KLK6: variants seen among roughly 807,000 people sequenced by gnomAD.
KLK6 encodes kallikrein related peptidase 6.
In KLK6, 16 loss-of-function variants were observed where a neutral mutation model predicts 21.7. The ratio of observed to expected loss-of-function variants is 0.74; its 90% CI spans 0.50 to 1.12. The LOEUF (loss-of-function observed/expected upper bound fraction) is 1.12, where lower values mean the gene tolerates loss of function less well. Ranked by LOEUF, KLK6 falls within the 50% of genes most tolerant of loss-of-function variation. KLK6 has a pLI of 0.00. For synonymous variants in KLK6, 116 were observed against 120.1 expected (o/e 0.97, Z 0.22); for missense variants, 276 against 304.6 (o/e 0.91, Z 0.70).
intron 5 of KLK6, chr19:50,962,115 C>G (rs1045769554): frequency 2.1e-6 from 1 of 471,656 alleles, no homozygotes; most frequent in Non-Finnish European, 3.7e-6. Context: ...CATTAATAGT[C>G]TCTTCTCCAG....
chr19:50,963,445 G>A lies in KLK6; in HGVS notation c.302C>T (p.Ala101Val). The stretch of plus-strand genomic sequence containing the variant: ...CAGCATGATGTCCTGGTCATGGCTG[G>A]CGGCATCATAGTCAGGGTGGATCAC... ...RAVIHPDYDA[A>V]SHDQDIMLLR... The change falls in exon 5 of 7, where the codon GCC becomes GTC. Residue 101 changes from alanine (A) to valine (V), a missense_variant. Physicochemically the swap from Ala to Val is moderately conservative, Grantham distance 64 (BLOSUM62 0). Transcript: ENST00000310157. 2 of 1,614,194 alleles carry A rather than the reference G, an allele frequency of 1.2e-6. No individual in the cohort carries two copies. Among genetic ancestry groups the A allele is most frequent in the Middle Eastern group, 1.6e-4 (1 of 6,062 alleles).
At chr19:50,967,125 C>A in intron 4 of KLK6, 44 bp downstream of exon 4, 20 of 1,611,724 alleles carry the variant, frequency 1.2e-5, no homozygotes, top group Non-Finnish European at 1.6e-5. Flanking sequence ...AAGACACCCT[C>A]AGGGTTCAGT....
At position 50,958,833 on chromosome 19, in the gene KLK6, G is replaced by T; in HGVS notation, c.*331C>A. 3.1e-6 allele frequency: 1 copy of T among 323,404 alleles called. No individual in the cohort carries two copies. The highest frequency in any genetic ancestry group is 5.8e-6 in the Non-Finnish European group (1 of 173,136). 20.0% of individuals were successfully genotyped at this position (323,404 alleles called of 1,614,324 possible). A position where few individuals can be genotyped will look rare whatever the true frequency, so the allele number is the denominator to read the frequency against. Reference sequence around the variant, plus strand: ...CACCGACAGTAAGCAGCGGAGCTGGGATTCCAGACACGTGGCTGGGCCTCT... The same window carrying T: ...CACCGACAGTAAGCAGCGGAGCTGGTATTCCAGACACGTGGCTGGGCCTCT... On this transcript the variant is annotated 3_prime_UTR_variant, in exon 7 of 7. Transcript: ENST00000310157.
chr19:50,959,335 A>G lies in KLK6; in HGVS notation c.583-19T>C, dbSNP rs746910926. On this transcript the variant is annotated intron_variant, in intron 6 of 6. Transcript: ENST00000310157. ...AATCACCCTGCAGGAAAGAGGGAGA[A>G]AGTCAGATACAGATAGAAACCCAGA... 1.3e-6 allele frequency: 2 copies of G among 1,591,554 alleles called. No individual in the cohort carries two copies. The highest frequency in any genetic ancestry group is 2.2e-5 in the South Asian group (2 of 90,268).
Position 50,963,400 on chromosome 19 carries a change from G to A in KLK6, c.347C>T (p.Ala116Val). 2.5e-6 allele frequency: 4 copies of A among 1,614,190 alleles called. No homozygotes were observed. Among genetic ancestry groups the A allele is most frequent in the Non-Finnish European group, 3.4e-6 (4 of 1,180,036 alleles). ...DIMLLRLARP[A>V]KLSELIQPLP... is the part of the protein sequence containing the mutation. Reference sequence around the variant, plus strand: ...GGGCTGGATGAGTTCAGAGAGTTTGGCTGGGCGTGCCAGGCGCAACAGCAT... The same window carrying A: ...GGGCTGGATGAGTTCAGAGAGTTTGACTGGGCGTGCCAGGCGCAACAGCAT... Residue 116 changes from alanine to valine, a missense_variant, in exon 5 of 7, where the codon GCC (alanine) becomes GTC (valine). Ala to Val is a moderately conservative substitution (Grantham distance 64). Transcript: ENST00000310157.
rs114948929 is a variant in KLK6 at position 50,962,951 on chromosome 19, C to T, written c.445+351G>A. 6.6e-3 allele frequency among the ~76,000 whole-genome samples: 1,001 copies of T among 152,178 alleles called. 7 individuals are homozygous for T. Among genetic ancestry groups the T allele is most frequent in the African/African-American group, 0.023 (939 of 41,506 alleles). On this transcript the variant is annotated intron_variant, in intron 5 of 6. Transcript: ENST00000310157. ...TCCATCAGTTCCTTCTCCATTATTC[C>T]TTCCTGCTGTTCAATGAATCCTGAT...
intron 2 of KLK6, 42 bp from the exon 3 acceptor site, chr19:50,968,154 C>A: frequency 6.4e-7 from 1 of 1,568,270 alleles, no homozygotes. Context: ...ACTGCCTCGA[C>A]CCTCCCCCCA....
At position 50,962,165 on chromosome 19, in the gene KLK6, C is replaced by T. The variant is rs112040365; in HGVS notation, c.446-285G>A. 1.5e-3 allele frequency: 481 copies of T among 330,994 alleles called. 2 individuals are homozygous for T. Among genetic ancestry groups the T allele is most frequent in the African/African-American group, 6.8e-3 (316 of 46,342 alleles). The allele number at this position is 330,994 out of a possible 1,614,324, so 20.5% of individuals were successfully genotyped here. ...TATTGGTTTTCCTTTTCTCTTAGGT[C>T]CCTCCTCCACTTTTCTCTCTTCCAC... is the stretch of plus-strand genomic sequence containing the variant. On this transcript the variant is annotated intron_variant, in intron 5 of 6. Transcript: ENST00000310157.
intron 5 of KLK6, chr19:50,962,689 C>T (rs894933013): frequency 3.3e-5 from 5 of 153,826 alleles, no homozygotes; most frequent in African/African-American, 1.2e-4. Context: ...CATCCTCCCC[C>T]ATTGTCTCTG....
At chr19:50,968,137 A>G (rs778834665) in intron 2 of KLK6, 25 bp from the exon 3 acceptor site, 2 of 1,608,900 alleles carry the variant, frequency 1.2e-6, no homozygotes, top group African/African-American at 1.3e-5. Context: ...CACATGGTCC[A>G]TTAGTCACTG....
chr19:50,963,179 C>T (rs922822941), intron 5 of KLK6, 123 bp downstream of exon 5: 6 of 1,348,328 alleles, frequency 4.4e-6, no homozygotes, highest in African/African-American at 4.4e-5. Flanking sequence ...AAACCCTGTC[C>T]CATTGGTCCT....
rs1294984786 is a variant in KLK6, at chr19:50,963,540, C to T, written c.207G>A (p.Gln69=). The part of the protein sequence containing the change: ...TAAHCKKPNL[Q]VFLGKHNLRQ... ...GAAGGTTATGCTTCCCCAGGAAGAC[C>T]TGAAGATTCCTGGGAAGGAAGAGGG... is the stretch of plus-strand genomic sequence containing the variant. Residue 69 remains glutamine, a synonymous_variant, in exon 5 of 7, where the codon CAG becomes CAA. Transcript: ENST00000310157. 3 of 1,614,000 alleles carry T rather than the reference C, an allele frequency of 1.9e-6. No homozygotes were observed. In the South Asian group the frequency reaches 3.3e-5, roughly 18 times the overall value.
At position 50,964,185 on chromosome 19, in the gene KLK6, T is replaced by C. The variant is rs2090891468; in HGVS notation, c.198-636A>G. Among the ~76,000 whole-genome samples, 3 of 152,206 alleles carry C rather than the reference T, an allele frequency of 2.0e-5. No homozygotes were observed. The South Asian group carries it at 6.2e-4, about 31-fold the overall frequency. ...CCACCTCAGGGCCTTTGCACTGCTG[T>C]TCCCTCTGCCAGCAAGTCTGTCCTC... On this transcript the variant is annotated intron_variant, in intron 4 of 6. Transcript: ENST00000310157.
chr19:50,958,986 G>T lies in KLK6; in HGVS notation c.*178C>A. On this transcript the variant is annotated 3_prime_UTR_variant, in exon 7 of 7. Coordinates refer to ENST00000310157, the MANE Select transcript of KLK6 (RefSeq NM_002774.4). ...CCTCACTCATCACGTCCTCCCCAGT[G>T]ATGCAAGGATGGAGCTGGGGTAAAA... 1.5e-6 allele frequency: 1 copy of T among 668,390 alleles called. No individual in the cohort carries two copies. The highest frequency in any genetic ancestry group is 2.6e-6 in the Non-Finnish European group (1 of 378,450). 41.4% of individuals were successfully genotyped at this position (668,390 alleles called of 1,614,324 possible). A position where few individuals can be genotyped will look rare whatever the true frequency, so the allele number is the denominator to read the frequency against.
chr19:50,963,038 TATTGAACCTTC>T (rs2090867235), intron 5 of KLK6, among the ~76,000 whole-genome samples: 1 of 152,186 alleles, frequency 6.6e-6, no homozygotes, highest in Admixed American at 6.5e-5. Flanking sequence ...CTTCCCTCTT[TATTGAACCTTC>T]ATCTTATGTT....
chr19:50,962,362 T>C (rs949451504), intron 5 of KLK6: 1 of 154,416 alleles, frequency 6.5e-6, no homozygotes. Flanking sequence ...TAACTGGCCA[T>C]GCCCTCTCCC....
At chr19:50,961,638 G>T in intron 6 of KLK6, 106 bp downstream of exon 6, 1 of 1,391,780 alleles carries the variant, frequency 7.2e-7, no homozygotes, top group Non-Finnish European at 9.8e-7. Context: ...ATCTGTCTCT[G>T]TAAAGCTCTC....
intron 6 of KLK6, among the ~76,000 whole-genome samples, chr19:50,959,617 G>A (rs1261965280): frequency 1.5e-5 from 2 of 136,030 alleles, no homozygotes; most frequent in East Asian, 4.3e-4. Context: ...AACAATTTAA[G>A]AATGGAGACT....
chr19:50,966,896 A>G (rs2090935056), intron 4 of KLK6, among the ~76,000 whole-genome samples: 1 of 152,190 alleles, frequency 6.6e-6, no homozygotes. Context: ...CAGGTCCCCA[A>G]ATGATCCAAT....
Sources: gnomAD v4.1 joint callset for allele counts (sites outside exome capture counted in the v4.1 genomes callset) on GRCh38, gnomAD v4.1.1 for gene constraint, MANE v1.5 for transcripts, NCBI Gene and HGNC (gene_info 2026-07-23, HGNC 2026-07-21) for gene names.